OPHN1: variants seen among roughly 807,000 people sequenced by gnomAD.
OPHN1 encodes oligophrenin-1.
Under a neutral mutation model 60.7 loss-of-function variants are expected in OPHN1, and 11 were observed. The observed-to-expected ratio is 0.18, with a 90% CI of 0.11 to 0.30. OPHN1 has a LOEUF of 0.30. OPHN1 is among the 10% of genes least tolerant of loss of function. OPHN1 has a pLI of 1.00. For synonymous variants in OPHN1, 226 were observed against 222.6 expected (o/e 1.02, Z -0.14); for missense variants, 449 against 611.0 (o/e 0.73, Z 2.80).
At chrX:68,153,963 T>C (rs1168638984) in intron 15 of OPHN1, among the ~76,000 whole-genome samples, 1 of 112,070 alleles carries the variant, frequency 8.9e-6, no homozygotes, top group Non-Finnish European at 1.9e-5. Flanking sequence ...TATAGATCTT[T>C]GATTTTCATT....
intron 15 of OPHN1, among the ~76,000 whole-genome samples, chrX:68,144,222 G>T (rs1216907397): frequency 9.1e-6 from 1 of 109,602 alleles, no homozygotes; most frequent in Non-Finnish European, 1.9e-5. Flanking sequence ...TAGAGACCGG[G>T]TTTTGCCATG....
intron 2 of OPHN1, among the ~76,000 whole-genome samples, chrX:68,366,047 C>T (rs751284964): frequency 1.3e-4 from 14 of 109,319 alleles, no homozygotes; most frequent in Non-Finnish European, 2.3e-4. Flanking sequence ...ATCTAACACA[C>T]CTACAACAGT....
intron 20 of OPHN1, among the ~76,000 whole-genome samples, chrX:68,068,470 CAAAAA>C (rs61188762): frequency 2.5e-5 from 1 of 39,791 alleles, no homozygotes; most frequent in Admixed American, 4.1e-4. Flanking sequence ...GACTCCATCT[CAAAAA>C]AAAAAAAAAA....
intron 2 of OPHN1, among the ~76,000 whole-genome samples, chrX:68,317,642 AAAGAAG>A (rs200297414): frequency 1.4e-4 from 14 of 98,032 alleles, no homozygotes; most frequent in African/African-American, 1.6e-4. Context: ...AAGAAAAGAA[AAAGAAG>A]AAGAAGAAGA....
chrX:68,052,692 C>A (rs1181031116), intron 22 of OPHN1, 102 bp from the exon 23 acceptor site: 2 of 728,346 alleles, frequency 2.7e-6, no homozygotes, highest in Non-Finnish European at 4.2e-6. Context: ...GATGGGACAC[C>A]AATGCCAGCC....
Position 68,085,906 on chromosome X carries a change from T to C in OPHN1, c.1686+10964A>G, listed in dbSNP as rs774628117. On this transcript the variant is annotated intron_variant, in intron 19 of 24. Transcript: ENST00000355520. Reference sequence around the variant, plus strand: ...ACAATAGCAGAAATAAAACCAGGCATGGTGGCTCAAGCCTGTAACCCCAGC... The same window carrying C: ...ACAATAGCAGAAATAAAACCAGGCACGGTGGCTCAAGCCTGTAACCCCAGC... Among the ~76,000 whole-genome samples, 3 of 111,599 alleles carry C rather than the reference T, an allele frequency of 2.7e-5. No homozygotes were observed. The East Asian group carries it at 8.5e-4, about 31-fold the overall frequency.
At chrX:68,226,011 T>A (rs1602252969) in intron 6 of OPHN1, among the ~76,000 whole-genome samples, 1 of 111,152 alleles carries the variant, frequency 9.0e-6, no homozygotes, top group African/African-American at 3.3e-5. Context: ...CTAACTAGAA[T>A]AAACAGCATA....
chrX:68,359,855 C>CA (rs1186524030), intron 2 of OPHN1, among the ~76,000 whole-genome samples: 4,723 of 19,011 alleles, frequency 0.25, 998 homozygotes, highest in African/African-American at 0.32. Context: ...GACTCCGTCT[C>CA]AAAAAAAAAA....
chrX:68,068,348 G>A (rs889625981), intron 20 of OPHN1, among the ~76,000 whole-genome samples: 1 of 108,399 alleles, frequency 9.2e-6, no homozygotes, highest in Non-Finnish European at 1.9e-5. Context: ...GTATGCACCT[G>A]TAATCCCAGC....
chrX:68,362,719 T>A (rs2078479292), intron 2 of OPHN1, among the ~76,000 whole-genome samples: 1 of 111,132 alleles, frequency 9.0e-6, no homozygotes, highest in Admixed American at 9.7e-5. Flanking sequence ...TAATGGTGGA[T>A]ACATGTCACT....
At chrX:68,267,687 C>A (rs976029465) in intron 5 of OPHN1, among the ~76,000 whole-genome samples, 1 of 112,087 alleles carries the variant, frequency 8.9e-6, no homozygotes, top group Non-Finnish European at 1.9e-5. Flanking sequence ...AAGATCAGAG[C>A]AGAACTGAAG....
At chrX:68,071,293 T>C (rs1040018025) in intron 20 of OPHN1, 1 of 753,473 alleles carries the variant, frequency 1.3e-6, no homozygotes, top group Non-Finnish European at 2.1e-6. Context: ...ACCATTGACA[T>C]GCACATTCCC....
chrX:68,350,214 C>T (rs1193739795), intron 2 of OPHN1, among the ~76,000 whole-genome samples: 2 of 110,964 alleles, frequency 1.8e-5, no homozygotes, highest in Admixed American at 9.6e-5. Flanking sequence ...ATCATATGTA[C>T]TTTGAAAATA....
intron 12 of OPHN1, 125 bp from the exon 13 acceptor site, chrX:68,194,623 A>C: frequency 1.6e-6 from 1 of 612,610 alleles, no homozygotes; most frequent in Non-Finnish European, 2.6e-6. Context: ...CCAGGATGTT[A>C]AAAAGATAGC....
intron 2 of OPHN1, among the ~76,000 whole-genome samples, chrX:68,406,409 C>T (rs781659926): frequency 8.5e-4 from 94 of 110,402 alleles, no homozygotes; most frequent in African/African-American, 2.8e-3. Flanking sequence ...GTCAGGAGTT[C>T]GAGACCAGCC....
At chrX:68,418,359 G>A (rs1486414819) in intron 2 of OPHN1, among the ~76,000 whole-genome samples, 2 of 111,279 alleles carry the variant, frequency 1.8e-5, no homozygotes, top group South Asian at 3.8e-4. Context: ...AGGCAACCCC[G>A]AGGAGGATAC....
At chrX:68,265,701 A>T (rs1449912115) in intron 5 of OPHN1, among the ~76,000 whole-genome samples, 1 of 112,067 alleles carries the variant, frequency 8.9e-6, no homozygotes, top group Non-Finnish European at 1.9e-5. Context: ...GAGTTGAGAG[A>T]AGAAGGCTTC....
intron 2 of OPHN1, among the ~76,000 whole-genome samples, chrX:68,323,919 T>C (rs1466266768): frequency 8.9e-6 from 1 of 111,836 alleles, no homozygotes; most frequent in East Asian, 2.8e-4. Flanking sequence ...TGAGGATCAT[T>C]ACAAAAAAAG....
chrX:68,391,278 A>G (rs1422890546), intron 2 of OPHN1, among the ~76,000 whole-genome samples: 1 of 111,917 alleles, frequency 8.9e-6, no homozygotes, highest in Non-Finnish European at 1.9e-5. Context: ...TATATAAAAA[A>G]TATTAATAGT....
Sources: allele counts gnomAD v4.1 joint callset (sites outside exome capture counted in the v4.1 genomes callset), GRCh38; gene constraint gnomAD v4.1.1; transcripts MANE v1.5; gene names NCBI Gene and HGNC (gene_info 2026-07-23, HGNC 2026-07-21).